Variants in NXPH2 observed in about 807,000 individuals in gnomAD.
NXPH2 encodes the protein neurexophilin-2.
A neutral mutation model predicts 19.8 loss-of-function variants in NXPH2; 5 were observed. The observed-to-expected ratio is 0.25, with a 90% CI of 0.13 to 0.53. The LOEUF (loss-of-function observed/expected upper bound fraction) is 0.53, where lower values mean the gene tolerates loss of function less well. Ranked by LOEUF, NXPH2 falls within the 20% of genes least tolerant of loss-of-function variation. The pLI is 0.96. For missense variants in NXPH2, 289 were observed against 322.8 expected (o/e 0.90, Z 0.80); for synonymous variants, 154 against 127.4 (o/e 1.21, Z -1.41).
At position 138,669,365 on chromosome 2, in the gene NXPH2, G is replaced by A. The variant is rs760638699; in HGVS notation, c.*1557C>T. Among the ~76,000 whole-genome samples, 12 of 151,986 alleles carry A rather than the reference G, an allele frequency of 7.9e-5. No individual in the cohort carries two copies. Among genetic ancestry groups the A allele is most frequent in the Admixed American group, 6.6e-5 (1 of 15,258 alleles). On this transcript the variant is annotated 3_prime_UTR_variant, in exon 2 of 2. Transcript: ENST00000272641. ...AACCACAAAATTACAAAAACATGTGGTGAACTCAGAGCAAGAACTTCAAGC... is the reference window on the plus strand; with the variant it reads ...AACCACAAAATTACAAAAACATGTGATGAACTCAGAGCAAGAACTTCAAGC...
At chr2:138,722,090 T>C (rs1171234972) in intron 1 of NXPH2, among the ~76,000 whole-genome samples, 1 of 152,242 alleles carries the variant, frequency 6.6e-6, no homozygotes, top group African/African-American at 2.4e-5. Flanking sequence ...TCTCATCTGT[T>C]AGTGTCTCTC....
At chr2:138,755,623 T>C (rs1403841655) in intron 1 of NXPH2, among the ~76,000 whole-genome samples, 2 of 152,078 alleles carry the variant, frequency 1.3e-5, no homozygotes, top group Non-Finnish European at 2.9e-5. Context: ...AGCCCTTCAG[T>C]TTTGTTTCTC....
At chr2:138,685,567 C>G (rs527442722) in intron 1 of NXPH2, among the ~76,000 whole-genome samples, 1 of 152,302 alleles carries the variant, frequency 6.6e-6, no homozygotes, top group South Asian at 2.1e-4. Context: ...ATAGCTTAGC[C>G]TAATCTACCT....
chr2:138,776,688 A>C (rs1041128131), intron 1 of NXPH2, among the ~76,000 whole-genome samples: 1 of 149,816 alleles, frequency 6.7e-6, no homozygotes, highest in East Asian at 2.0e-4. Flanking sequence ...GGAAAATACT[A>C]TTTTGATGTT....
In NXPH2 at chr2:138,744,070, C is replaced by T. The variant is rs1052713601; in HGVS notation, c.51+36121G>A. 3.4e-5 allele frequency among the ~76,000 whole-genome samples: 5 copies of T among 147,870 alleles called. No homozygotes were observed. The East Asian group carries it at 1.0e-3, about 30-fold the overall frequency. The stretch of plus-strand genomic sequence containing the variant: ...TCATTAATTTATTATTTTACTTTGT[C>T]TTTAAATATCCTACTCTCTTACTCG... On this transcript the variant is annotated intron_variant, in intron 1 of 1. Transcript: ENST00000272641.
chr2:138,767,149 C>T (rs1486888639), intron 1 of NXPH2, among the ~76,000 whole-genome samples: 1 of 152,154 alleles, frequency 6.6e-6, no homozygotes, highest in Non-Finnish European at 1.5e-5. Context: ...ATCTTTCATG[C>T]TTTGAATATA....
At chr2:138,675,304 G>A (rs1481297485) in intron 1 of NXPH2, among the ~76,000 whole-genome samples, 2 of 151,668 alleles carry the variant, frequency 1.3e-5, no homozygotes, top group Non-Finnish European at 2.9e-5. Context: ...TCTTGTTTTA[G>A]TGCTTTGCCC....
intron 1 of NXPH2, among the ~76,000 whole-genome samples, chr2:138,684,800 T>C (rs1179357568): frequency 6.6e-6 from 1 of 152,200 alleles, no homozygotes; most frequent in Non-Finnish European, 1.5e-5. Flanking sequence ...TTTACATCCA[T>C]GGATCTGCCC....
intron 1 of NXPH2, among the ~76,000 whole-genome samples, chr2:138,706,430 G>A (rs1249171744): frequency 1.3e-5 from 2 of 152,184 alleles, no homozygotes; most frequent in African/African-American, 4.8e-5. Context: ...TGATGCCCAA[G>A]TATCCCGAAT....
chr2:138,686,639 TG>T (rs1161378925), intron 1 of NXPH2, among the ~76,000 whole-genome samples: 1 of 152,140 alleles, frequency 6.6e-6, no homozygotes, highest in Non-Finnish European at 1.5e-5. Flanking sequence ...GCCATGTTGG[TG>T]TGCTGCACCC....
chr2:138,687,123 G>A (rs1461457376), intron 1 of NXPH2, among the ~76,000 whole-genome samples: 1 of 152,158 alleles, frequency 6.6e-6, no homozygotes, highest in Admixed American at 6.6e-5. Context: ...TTGAGGAATC[G>A]CCACACTGTC....
chr2:138,672,426 G>A (rs1344945471), intron 1 of NXPH2, among the ~76,000 whole-genome samples: 1 of 152,032 alleles, frequency 6.6e-6, no homozygotes, highest in Non-Finnish European at 1.5e-5. Context: ...CAGTATTTTG[G>A]TTCAAATCAT....
chr2:138,695,059 A>C (rs1573957068), intron 1 of NXPH2, among the ~76,000 whole-genome samples: 1 of 152,144 alleles, frequency 6.6e-6, no homozygotes, highest in African/African-American at 2.4e-5. Context: ...GGGACAGTAA[A>C]AATACGGCAT....
At chr2:138,709,486 C>T (rs533174678) in intron 1 of NXPH2, among the ~76,000 whole-genome samples, 2 of 151,894 alleles carry the variant, frequency 1.3e-5, no homozygotes, top group African/African-American at 4.8e-5. Flanking sequence ...CCTTTCCCCC[C>T]ACCAGTGTGG....
intron 1 of NXPH2, among the ~76,000 whole-genome samples, chr2:138,736,706 C>T (rs928490379): frequency 6.6e-5 from 10 of 152,190 alleles, no homozygotes; most frequent in African/African-American, 2.4e-4. Flanking sequence ...AATGGAATTT[C>T]TTTTCTATCA....
At chr2:138,718,782 C>G (rs1443648953) in intron 1 of NXPH2, among the ~76,000 whole-genome samples, 1 of 152,092 alleles carries the variant, frequency 6.6e-6, no homozygotes. Flanking sequence ...AAAGCATAAT[C>G]CCATTAATGC....
chr2:138,703,461 C>A (rs1002687278), intron 1 of NXPH2, among the ~76,000 whole-genome samples: 1 of 152,148 alleles, frequency 6.6e-6, no homozygotes, highest in African/African-American at 2.4e-5. Context: ...GGCAGAGGTG[C>A]CACAGTAAAC....
rs367681637 is a variant in NXPH2, at chr2:138,671,488, T to C, written c.229A>G (p.Met77Val). Residue 77 changes from methionine (M) to valine (V), a missense_variant, in exon 2 of 2, where the codon ATG becomes GTG. Physicochemically the swap from Met to Val is conservative, Grantham distance 21. Coordinates refer to ENST00000272641, the MANE Select transcript of NXPH2 (RefSeq NM_007226.3). ...GCCAGCCAATCCCAAAAGTTTTCCA[T>C]GCTGTCTGCGTACGCCATGGGGCCG... ...KPGPMAYADS[M>V]ENFWDWLANI... 5 of 1,613,982 alleles carry C rather than the reference T, an allele frequency of 3.1e-6. No homozygotes were observed. The highest frequency in any genetic ancestry group is 4.2e-6 in the Non-Finnish European group (5 of 1,179,844).
At chr2:138,768,399 A>G (rs1023486203) in intron 1 of NXPH2, among the ~76,000 whole-genome samples, 1 of 152,146 alleles carries the variant, frequency 6.6e-6, no homozygotes, top group African/African-American at 2.4e-5. Flanking sequence ...TTCTAAGGGG[A>G]ATATCTATTG....
Sources: gnomAD v4.1 joint callset for allele counts (sites outside exome capture counted in the v4.1 genomes callset) on GRCh38, gnomAD v4.1.1 for gene constraint, MANE v1.5 for transcripts, NCBI Gene and HGNC (gene_info 2026-07-23, HGNC 2026-07-21) for gene names.